CEP192: variants seen among roughly 807,000 people sequenced by gnomAD.
CEP192 encodes centrosomal protein 192, also known as centrosomal protein of 192 kDa.
A neutral mutation model predicts 271.8 loss-of-function variants in CEP192; 151 were observed. The observed-to-expected ratio is 0.56, with a 90% confidence interval of 0.49 to 0.64. CEP192 has a LOEUF of 0.64. Ranked by LOEUF, CEP192 falls within the 30% of genes least tolerant of loss-of-function variation. The pLI, the probability that CEP192 is intolerant of heterozygous loss-of-function variation, is 0.00. For missense variants in CEP192, 2,910 were observed against 3,020.5 expected (o/e 0.96, Z 0.86); for synonymous variants, 995 against 1,076.5 (o/e 0.92, Z 1.48).
At chr18:13,018,097 G>GTTGT (rs1471245967) in intron 7 of CEP192, among the ~76,000 whole-genome samples, 10 of 152,128 alleles carry the variant, frequency 6.6e-5, no homozygotes, top group African/African-American at 2.4e-4. Flanking sequence ...ACCAAGCAGT[G>GTTGT]TTGTGTACTT....
Position 13,049,128 on chromosome 18 carries a change from T to C in CEP192, c.2337T>C (p.Leu779=). 6.2e-7 allele frequency: 1 copy of C among 1,613,968 alleles called. No homozygotes were observed. The highest frequency in any genetic ancestry group is 8.5e-7 in the Non-Finnish European group (1 of 1,179,978). Residue 779 remains leucine, a synonymous_variant, in exon 16 of 45, where the codon CTT becomes CTC. Transcript: ENST00000506447. ...DLEKSNGSNA[L]DMEKYLKKTE... is the part of the protein sequence containing the mutation. ...AAAAAAGTAATGGATCCAATGCACT[T>C]GATATGGAGAAATACCTTAAAAAAA... is the stretch of plus-strand genomic sequence containing the variant.
intron 8 of CEP192, 117 bp downstream of exon 8, chr18:13,018,732 G>T: frequency 1.4e-6 from 1 of 716,322 alleles, no homozygotes; most frequent in South Asian, 2.8e-5. Context: ...TAGTCCCTCA[G>T]GTCTTTAGAC....
chr18:13,010,102 C>A (rs544318129), intron 4 of CEP192, among the ~76,000 whole-genome samples: 3 of 152,156 alleles, frequency 2.0e-5, no homozygotes, highest in African/African-American at 7.2e-5. Flanking sequence ...GTGATCATGC[C>A]ATTGCACTCC....
chr18:13,057,781 T>A, intron 20 of CEP192, 48 bp downstream of exon 20: 1 of 1,578,244 alleles, frequency 6.3e-7, no homozygotes, highest in Non-Finnish European at 8.7e-7. Flanking sequence ...GCATTGTGAT[T>A]AGGTGCTTGA....
Position 13,092,459 on chromosome 18 carries a change from A to C in CEP192, c.6186A>C (p.Glu2062Asp). Reference sequence around the variant, plus strand: ...AAATTATACTTTCAGTAATTGGAGAATTCAGAGATTGCATTTCTAGCAGAG... The same window carrying C: ...AAATTATACTTTCAGTAATTGGAGACTTCAGAGATTGCATTTCTAGCAGAG... ...MCKIILSVIG[E>D]FRDCISSREF... The change falls in exon 34 of 45, where the codon GAA becomes GAC. Residue 2062 changes from glutamate (E) to aspartate (D), a missense_variant. By Grantham distance (45) the Glu-to-Asp change is conservative. Transcript: ENST00000506447. The C allele has an allele frequency of 6.2e-7, 1 of 1,608,578 alleles. No homozygotes were observed. The highest frequency in any genetic ancestry group is 1.1e-5 in the South Asian group (1 of 90,528).
In CEP192 at chr18:13,049,262, C is replaced by G; in HGVS notation, c.2471C>G (p.Pro824Arg). 3 of 1,614,064 alleles carry G rather than the reference C, an allele frequency of 1.9e-6. No individual in the cohort carries two copies. The highest frequency in any genetic ancestry group is 1.1e-5 in the South Asian group (1 of 91,078). Residue 824 changes from proline to arginine, a missense_variant, in exon 16 of 45, where the codon CCG becomes CGG. By Grantham distance (103) the Pro-to-Arg change is moderately radical (BLOSUM62 -2). Transcript: ENST00000506447. ...GAACAAACTACTCAAGACATTCATCCGGTGGACTTAAGTGCTACTAGTGTA... is the reference window on the plus strand; with the variant it reads ...GAACAAACTACTCAAGACATTCATCGGGTGGACTTAAGTGCTACTAGTGTA... ...PKEQTTQDIHPVDLSATSVSV... is the reference protein window; with the variant it reads ...PKEQTTQDIHRVDLSATSVSV...
chr18:13,097,658 T>C (rs533832472), intron 36 of CEP192, among the ~76,000 whole-genome samples: 146 of 150,668 alleles, frequency 9.7e-4, no homozygotes, highest in African/African-American at 3.3e-3. Context: ...TATTTTTTTT[T>C]TTTTTATTGA....
At chr18:12,993,351 C>T (rs2032999209) in intron 1 of CEP192, among the ~76,000 whole-genome samples, 2 of 152,142 alleles carry the variant, frequency 1.3e-5, no homozygotes, top group Non-Finnish European at 2.9e-5. Context: ...TATGGTCGTT[C>T]CCTCAGGTTA....
At position 13,090,708 on chromosome 18, in the gene CEP192, A is replaced by G. The variant is rs535316944; in HGVS notation, c.6103+1143A>G. Among the ~76,000 whole-genome samples the G allele has an allele frequency of 7.2e-5, 11 of 152,290 alleles. No individual in the cohort carries two copies. The South Asian group carries it at 1.9e-3, about 26-fold the overall frequency. On this transcript the variant is annotated intron_variant, in intron 33 of 44. Transcript: ENST00000506447. Reference sequence around the variant, plus strand: ...GGAGTGTGCTAAGGGACCAGAGCAAAGGAAAAAAACCTTGGACTTGGAGTT... The same window carrying G: ...GGAGTGTGCTAAGGGACCAGAGCAAGGGAAAAAAACCTTGGACTTGGAGTT...
chr18:13,111,352 C>G (rs1251771887), intron 40 of CEP192, among the ~76,000 whole-genome samples: 1 of 152,140 alleles, frequency 6.6e-6, no homozygotes, highest in Admixed American at 6.5e-5. Flanking sequence ...GTCTCGATCT[C>G]CTGACCTTGT....
At chr18:13,035,575 G>A (rs2035873957) in intron 11 of CEP192, among the ~76,000 whole-genome samples, 1 of 152,146 alleles carries the variant, frequency 6.6e-6, no homozygotes, top group Admixed American at 6.5e-5. Flanking sequence ...AGAATTCTGG[G>A]AGATAACAAT....
In CEP192 at chr18:13,046,829, CTTTTTT is replaced by C. The variant is rs574030180; in HGVS notation, c.2068-2017_2068-2012del. On this transcript the variant is annotated intron_variant, in intron 15 of 44. Transcript: ENST00000506447. Reference sequence around the variant, plus strand: ...GTTTTCTTCTTAAAGAATATCCTTACTTTTTTTTTTTTTTTTTTGTAAGGGACTGCT... The same window carrying C: ...GTTTTCTTCTTAAAGAATATCCTTACTTTTTTTTTTTTGTAAGGGACTGCT... Among the ~76,000 whole-genome samples, 6 of 122,366 alleles carry C rather than the reference CTTTTTT, an allele frequency of 4.9e-5. No homozygotes were observed. In the South Asian group the frequency reaches 1.6e-3, roughly 33 times the overall value. The allele number at this position is 122,366 out of a possible 152,430, so 80.3% of individuals were successfully genotyped here.
At position 13,068,133 on chromosome 18, in the gene CEP192, T is replaced by C. The variant is rs578208; in HGVS notation, c.4654T>C (p.Ser1552Pro). ...AWRCFTFSKE[S>P]VRAPVEVAPC... ...GCGCTGTTTCACGTTTTCCAAGGAA[T>C]CCGTCCGAGCTCCTGTGGAAGTTGC... Residue 1552 changes from serine to proline, a missense_variant, in exon 23 of 45, where the codon TCC (serine) becomes CCC (proline). Coordinates refer to ENST00000506447, the MANE Select transcript of CEP192 (RefSeq NM_032142.4). 1,028,409 of 1,613,816 alleles carry C rather than the reference T, an allele frequency of 0.64. 331,645 individuals carry two copies. The highest frequency in any genetic ancestry group is 0.83 in the East Asian group (37,458 of 44,882).
chr18:13,075,912 A>G (rs2038248403), intron 30 of CEP192, among the ~76,000 whole-genome samples: 1 of 152,182 alleles, frequency 6.6e-6, no homozygotes, highest in Non-Finnish European at 1.5e-5. Context: ...TGCAGTCTCT[A>G]GGGTGCTAAT....
rs964196728 is a variant in CEP192 at position 13,019,127 on chromosome 18, T to C, written c.971T>C (p.Met324Thr). ...TGDSRRYTDGMLPFSSGTWGT... is the reference protein window; with the variant it reads ...TGDSRRYTDGTLPFSSGTWGT... ...GATAGTAGAAGGTACACAGATGGTATGTTACCATTTTCCTCTGGTACTTGG... is the reference window on the plus strand; with the variant it reads ...GATAGTAGAAGGTACACAGATGGTACGTTACCATTTTCCTCTGGTACTTGG... The change falls in exon 9 of 45, where the codon ATG becomes ACG. Residue 324 changes from methionine to threonine, a missense_variant. Coordinates refer to ENST00000506447, the MANE Select transcript of CEP192 (RefSeq NM_032142.4). The C allele has an allele frequency of 1.5e-5, 23 of 1,543,570 alleles. No individual in the cohort carries two copies. The highest frequency in any genetic ancestry group is 2.8e-5 in the African/African-American group (2 of 72,654).
intron 13 of CEP192, among the ~76,000 whole-genome samples, chr18:13,040,265 AAATT>A (rs1223213906): frequency 6.6e-6 from 1 of 152,258 alleles, no homozygotes; most frequent in Non-Finnish European, 1.5e-5. Flanking sequence ...CACAATTAAT[AAATT>A]AATCACTTGG....
At chr18:13,096,353 C>A in intron 36 of CEP192, 46 bp downstream of exon 36, 1 of 1,586,920 alleles carries the variant, frequency 6.3e-7, no homozygotes, top group Admixed American at 1.8e-5. Flanking sequence ...TAGGTGCTGG[C>A]TTGGTGACTT....
At chr18:13,015,204 C>A in intron 5 of CEP192, 124 bp from the exon 6 acceptor site, 2 of 868,952 alleles carry the variant, frequency 2.3e-6, no homozygotes, top group South Asian at 2.0e-5. Flanking sequence ...ATTGCCTAAG[C>A]TGTGATTTAC....
In CEP192 at chr18:13,089,452, G is replaced by T; in HGVS notation, c.5994-4G>T. ...AAATAATAAAAAAAAATCTCTCCTG[G>T]CAGGGCCCTGTTACATAAACCAGAG... On this transcript the variant is annotated splice_region_variant and splice_polypyrimidine_tract_variant and intron_variant, in intron 32 of 44. Transcript: ENST00000506447. The T allele has an allele frequency of 1.4e-6, 2 of 1,464,756 alleles. No homozygotes were observed. The highest frequency in any genetic ancestry group is 1.9e-6 in the Non-Finnish European group (2 of 1,071,596). The allele number at this position is 1,464,756 out of a possible 1,614,324, so 90.7% of individuals were successfully genotyped here. A position where few individuals can be genotyped will look rare whatever the true frequency, so the allele number is the denominator to read the frequency against.
Sources: allele counts gnomAD v4.1 joint callset (sites outside exome capture counted in the v4.1 genomes callset), GRCh38; gene constraint gnomAD v4.1.1; transcripts MANE v1.5; gene names NCBI Gene and HGNC (gene_info 2026-07-23, HGNC 2026-07-21).